Variants in EPC1 observed in about 807,000 individuals in gnomAD.
The protein encoded by EPC1 is enhancer of polycomb homolog 1.
A neutral mutation model predicts 98.4 loss-of-function variants in EPC1; 12 were observed. The observed-to-expected ratio is 0.12, with a 90% CI of 0.08 to 0.20. The LOEUF is 0.20. Among genes scored for constraint, EPC1 ranks in the 10% least tolerant of loss-of-function variants. EPC1 has a pLI of 1.00. For synonymous variants in EPC1, 357 were observed against 363.9 expected, an observed-to-expected ratio of 0.98 and a Z score of 0.21; for missense variants, 729 against 990.5, an observed-to-expected ratio of 0.74 and a Z score of 3.54.
At chr10:32,373,234 G>T (rs551434769) in intron 1 of EPC1, among the ~76,000 whole-genome samples, 6 of 152,144 alleles carry the variant, frequency 3.9e-5, no homozygotes, top group African/African-American at 1.4e-4. Flanking sequence ...TGGGTATAAT[G>T]ATTGCCCTAT....
At chr10:32,352,956 G>C (rs1458172107) in intron 1 of EPC1, among the ~76,000 whole-genome samples, 2 of 152,072 alleles carry the variant, frequency 1.3e-5, no homozygotes, top group African/African-American at 2.4e-5. Flanking sequence ...GGGAGTACAA[G>C]ACTAGCCTGA....
intron 3 of EPC1, 32 bp downstream of exon 3, chr10:32,293,560 T>C (rs1305115822): frequency 6.3e-7 from 1 of 1,597,256 alleles, no homozygotes; most frequent in Admixed American, 1.7e-5. Context: ...ATAGAATATG[T>C]ATATACTTGT....
intron 10 of EPC1, among the ~76,000 whole-genome samples, chr10:32,276,966 G>C (rs1418319630): frequency 2.0e-5 from 3 of 152,188 alleles, no homozygotes; most frequent in Admixed American, 1.3e-4. Context: ...AAAATTTTGA[G>C]GTCAGGAAGG....
intron 1 of EPC1, among the ~76,000 whole-genome samples, chr10:32,317,396 C>A (rs750403378): frequency 2.0e-5 from 3 of 152,186 alleles, no homozygotes; most frequent in Non-Finnish European, 4.4e-5. Context: ...AATCCCAGCA[C>A]TTTGGGATGC....
chr10:32,311,764 A>G (rs1185546671), intron 1 of EPC1, among the ~76,000 whole-genome samples: 1 of 152,194 alleles, frequency 6.6e-6, no homozygotes, highest in African/African-American at 2.4e-5. Flanking sequence ...AGTAACAATA[A>G]TAGAACAAAT....
At chr10:32,275,839 A>T (rs1836060884) in intron 10 of EPC1, among the ~76,000 whole-genome samples, 1 of 151,896 alleles carries the variant, frequency 6.6e-6, no homozygotes, top group Admixed American at 6.6e-5. Context: ...CAGGGGGCTG[A>T]GGCAGGAGAA....
intron 9 of EPC1, 137 bp from the exon 10 acceptor site, chr10:32,285,187 T>C: frequency 1.6e-6 from 1 of 641,926 alleles, no homozygotes; most frequent in Non-Finnish European, 2.5e-6. Context: ...GTTGATTATT[T>C]TAGTGTTTGG....
intron 10 of EPC1, chr10:32,282,760 T>C (rs1836474585): frequency 6.6e-6 from 1 of 152,184 alleles, no homozygotes; most frequent in Non-Finnish European, 1.5e-5. Flanking sequence ...TTTAGGATAG[T>C]TATACACTTC....
chr10:32,286,280 A>T (rs1836675368), intron 9 of EPC1: 1 of 161,628 alleles, frequency 6.2e-6, no homozygotes, highest in Non-Finnish European at 1.3e-5. Flanking sequence ...CTGGGATGTC[A>T]AGATCAGGTT....
Position 32,292,575 on chromosome 10 carries a change from T to C in EPC1, c.736A>G (p.Thr246Ala). 1 of 1,609,160 alleles carries C rather than the reference T, an allele frequency of 6.2e-7. No homozygotes were observed. The highest frequency in any genetic ancestry group is 8.5e-7 in the Non-Finnish European group (1 of 1,178,738). The change falls in exon 5 of 14, where the codon ACT becomes GCT. Residue 246 changes from threonine (T) to alanine (A), a missense_variant. Transcript: ENST00000319778. The part of the protein sequence containing the change: ...KLRRDLSRAV[T>A]ILEMIKRREK... ...CTTCTTTTTATCATCTCTAGAATAG[T>C]AACAGCTCGACTTAGATCTCGTCGC...
upstream of EPC1, among the ~76,000 whole-genome samples, chr10:32,351,654 A>T (rs1305050617): frequency 6.6e-6 from 1 of 151,766 alleles, no homozygotes; most frequent in Admixed American, 6.6e-5. Flanking sequence ...GCGAAACTCC[A>T]TCTTAAAAAA....
intron 10 of EPC1, chr10:32,281,734 T>C (rs1262860378): frequency 6.6e-6 from 1 of 151,582 alleles, no homozygotes; most frequent in African/African-American, 2.4e-5. Context: ...AATGGCACAA[T>C]CTCGGCTCAC....
chr10:32,320,048 A>G (rs916024595), intron 1 of EPC1, among the ~76,000 whole-genome samples: 1 of 152,198 alleles, frequency 6.6e-6, no homozygotes, highest in African/African-American at 2.4e-5. Flanking sequence ...GGAAAAACAT[A>G]TGTGTGTACA....
At chr10:32,350,672 G>A (rs1363114156), upstream of EPC1, among the ~76,000 whole-genome samples, 4 of 152,148 alleles carry the variant, frequency 2.6e-5, no homozygotes, top group African/African-American at 4.8e-5. Flanking sequence ...AGAGACATGA[G>A]TTTTCATGGT....
intron 10 of EPC1, chr10:32,282,871 C>T (rs1182521767): frequency 6.6e-6 from 1 of 152,156 alleles, no homozygotes; most frequent in Non-Finnish European, 1.5e-5. Flanking sequence ...GCTTAATTAT[C>T]AGGGTAACCT....
Position 32,275,861 on chromosome 10 carries a change from C to T in EPC1, c.1745-2580G>A, listed in dbSNP as rs573908160. On this transcript the variant is annotated intron_variant, in intron 10 of 13. Transcript: ENST00000319778. ...CTGAGGCAGGAGAATCGCTTGAACCCGGGAGGTGGAGGTTGCAGTTAGCTG... is the reference window on the plus strand; with the variant it reads ...CTGAGGCAGGAGAATCGCTTGAACCTGGGAGGTGGAGGTTGCAGTTAGCTG... Among the ~76,000 whole-genome samples, 22 of 151,808 alleles carry T rather than the reference C, an allele frequency of 1.4e-4. No homozygotes were observed. In the East Asian group the frequency reaches 3.3e-3, roughly 23 times the overall value.
chr10:32,304,852 G>C (rs913353463), intron 2 of EPC1, among the ~76,000 whole-genome samples: 1 of 151,434 alleles, frequency 6.6e-6, no homozygotes, highest in Non-Finnish European at 1.5e-5. Flanking sequence ...CCAGGAGGTG[G>C]AGGTTGTGGT....
chr10:32,324,821 G>A (rs906863389), intron 1 of EPC1, among the ~76,000 whole-genome samples: 1 of 152,020 alleles, frequency 6.6e-6, no homozygotes, highest in East Asian at 2.0e-4. Context: ...GTGAAACCCC[G>A]TCTCCACGAA....
At position 32,272,026 on chromosome 10, in the gene EPC1, C is replaced by T; in HGVS notation, c.2005G>A (p.Gly669Arg). 1 of 1,609,900 alleles carries T rather than the reference C, an allele frequency of 6.2e-7. No homozygotes were observed. Among genetic ancestry groups the T allele is most frequent in the Non-Finnish European group, 8.5e-7 (1 of 1,178,948 alleles). ...IGVNGVLPAS[G>R]VYKGLHLSST... ...ACAATTTAAATGTCTTTATTCTTAC[C>T]TGAGGCTGGAAGGACGCCATTCACC... The change falls in exon 12 of 14, where the codon GGA becomes AGA. Residue 669 changes from glycine to arginine, a missense_variant and splice_region_variant. Physicochemically the swap from Gly to Arg is moderately radical, Grantham distance 125. This residue lies in a region of EPC1 where 156 missense variants were observed against 188.9 expected (regional missense o/e 0.83). Transcript: ENST00000319778.
Sources: gnomAD v4.1 joint callset for allele counts (sites outside exome capture counted in the v4.1 genomes callset) on GRCh38, gnomAD v4.1.1 for gene constraint, gnomAD v4.1.1 regional missense constraint, MANE v1.5 for transcripts, NCBI Gene and HGNC (gene_info 2026-07-23, HGNC 2026-07-21) for gene names.